Variants in KHDRBS2 observed in about 807,000 individuals in gnomAD.
KHDRBS2 encodes the protein KH domain-containing, RNA-binding, signal transduction-associated protein 2.
KHDRBS2 carries 26 observed loss-of-function variants against 44.3 expected under a neutral mutation model. The ratio of observed to expected loss-of-function variants is 0.59; its 90% confidence interval spans 0.43 to 0.81. The LOEUF is 0.81. KHDRBS2 is among the 40% of genes least tolerant of loss of function. The probability of loss-of-function intolerance (pLI) is 0.00; values close to 1 mark genes in which losing one functional copy is unlikely to be tolerated. For synonymous variants in KHDRBS2, 194 were observed against 151.1 expected (o/e 1.28, Z -2.08); for missense variants, 476 against 433.1 (o/e 1.10, Z -0.88).
intron 6 of KHDRBS2, among the ~76,000 whole-genome samples, chr6:61,836,445 C>T (rs1792685872): frequency 6.6e-6 from 1 of 151,966 alleles, no homozygotes; most frequent in Non-Finnish European, 1.5e-5. Flanking sequence ...AGGCAGGCTG[C>T]CTGTTTTTAA....
intron 6 of KHDRBS2, among the ~76,000 whole-genome samples, chr6:61,782,521 A>C (rs1473560966): frequency 1.3e-5 from 2 of 151,778 alleles, no homozygotes; most frequent in Non-Finnish European, 2.9e-5. Flanking sequence ...ATCACAGATG[A>C]ATTAAAGTAC....
At chr6:61,787,802 T>C (rs779737802) in intron 6 of KHDRBS2, among the ~76,000 whole-genome samples, 10 of 151,726 alleles carry the variant, frequency 6.6e-5, no homozygotes, top group Non-Finnish European at 1.0e-4. Flanking sequence ...AATGTTACTT[T>C]TATAGATGAG....
the KHDRBS2 span, among the ~76,000 whole-genome samples, chr6:61,627,715 G>A: frequency 6.6e-6 from 1 of 152,224 alleles, no homozygotes; most frequent in African/African-American, 2.4e-5. Flanking sequence ...TGGGGACATG[G>A]ATGATTCATG....
chr6:61,712,882 T>G (rs991625285), intron 7 of KHDRBS2, among the ~76,000 whole-genome samples: 1 of 151,760 alleles, frequency 6.6e-6, no homozygotes, highest in Non-Finnish European at 1.5e-5. Flanking sequence ...CTGAATATTA[T>G]GTAACTCAAG....
At chr6:61,659,479 C>A in the KHDRBS2 span, among the ~76,000 whole-genome samples, 1 of 151,784 alleles carries the variant, frequency 6.6e-6, no homozygotes, top group Non-Finnish European at 1.5e-5. Flanking sequence ...AATGTTCTGC[C>A]TTGCACTGCT....
At chr6:61,868,100 C>T (rs1306097552) in intron 6 of KHDRBS2, among the ~76,000 whole-genome samples, 1 of 151,614 alleles carries the variant, frequency 6.6e-6, no homozygotes, top group African/African-American at 2.4e-5. Context: ...GACCCCCAAG[C>T]ACTCTAGGGA....
chr6:62,107,971 G>C (rs1475051328), intron 2 of KHDRBS2, among the ~76,000 whole-genome samples: 2 of 152,036 alleles, frequency 1.3e-5, no homozygotes, highest in East Asian at 3.9e-4. Context: ...TTAAACGTTA[G>C]ACCTAAAACC....
intron 6 of KHDRBS2, among the ~76,000 whole-genome samples, chr6:61,745,815 CGTT>C (rs1776778226): frequency 6.6e-6 from 1 of 151,852 alleles, no homozygotes; most frequent in Non-Finnish European, 1.5e-5. Flanking sequence ...AGTGCCTTGA[CGTT>C]GCTGCTGTGT....
At chr6:61,751,328 T>G (rs932700077) in intron 6 of KHDRBS2, among the ~76,000 whole-genome samples, 1 of 152,204 alleles carries the variant, frequency 6.6e-6, no homozygotes, top group African/African-American at 2.4e-5. Context: ...TCATCTGAGT[T>G]CCAGGGGCTA....
At chr6:61,825,192 C>T (rs1790639568) in intron 6 of KHDRBS2, among the ~76,000 whole-genome samples, 2 of 152,118 alleles carry the variant, frequency 1.3e-5, no homozygotes, top group South Asian at 4.1e-4. Flanking sequence ...AACAGTATTT[C>T]TATAAAATGT....
At chr6:61,896,697 G>T (rs370037049) in intron 5 of KHDRBS2, among the ~76,000 whole-genome samples, 16 of 151,936 alleles carry the variant, frequency 1.1e-4, no homozygotes, top group African/African-American at 3.4e-4. Context: ...CTTGCTGAAA[G>T]AATATTTTCT....
intron 6 of KHDRBS2, among the ~76,000 whole-genome samples, chr6:61,765,945 T>TG (rs113826963): frequency 0.38 from 57,867 of 151,870 alleles, 12,086 homozygotes; most frequent in African/African-American, 0.57. Flanking sequence ...AGTTTTCTTT[T>TG]TTTAGATATT....
chr6:61,994,657 G>A (rs890858061), intron 3 of KHDRBS2, among the ~76,000 whole-genome samples: 1 of 152,126 alleles, frequency 6.6e-6, no homozygotes, highest in African/African-American at 2.4e-5. Context: ...TCTGGTATGA[G>A]ATAAAGGTCA....
At chr6:61,583,569 T>G in the KHDRBS2 span, among the ~76,000 whole-genome samples, 2 of 151,802 alleles carry the variant, frequency 1.3e-5, no homozygotes, top group Non-Finnish European at 3.0e-5. Context: ...TTTGTTCCAT[T>G]GGCCTATTTG....
intron 7 of KHDRBS2, among the ~76,000 whole-genome samples, chr6:61,727,265 T>C (rs894707222): frequency 6.6e-6 from 1 of 152,128 alleles, no homozygotes; most frequent in African/African-American, 2.4e-5. Flanking sequence ...CCTTACACCA[T>C]ATACAAAAAT....
chr6:62,105,848 G>A (rs547385708), intron 2 of KHDRBS2, among the ~76,000 whole-genome samples: 19 of 151,848 alleles, frequency 1.3e-4, no homozygotes, highest in African/African-American at 2.4e-4. Flanking sequence ...CTTGCTTTTC[G>A]AGTTCTTTTA....
chr6:61,811,732 C>A (rs73476633), intron 6 of KHDRBS2, among the ~76,000 whole-genome samples: 8,930 of 151,872 alleles, frequency 0.059, 898 homozygotes, highest in African/African-American at 0.2. Context: ...TTTTTTTATT[C>A]CCAAGATTAA....
At chr6:61,936,773 G>C (rs1583599051) in intron 4 of KHDRBS2, among the ~76,000 whole-genome samples, 1 of 151,924 alleles carries the variant, frequency 6.6e-6, no homozygotes, top group Admixed American at 6.6e-5. Flanking sequence ...TTTGGAAATA[G>C]TATTCCTCTA....
At position 61,971,964 on chromosome 6, in the gene KHDRBS2, A is replaced by T. The variant is rs554662473; in HGVS notation, c.483+6102T>A. On this transcript the variant is annotated intron_variant, in intron 4 of 8. Coordinates refer to ENST00000281156, the MANE Select transcript of KHDRBS2 (RefSeq NM_152688.4). The stretch of plus-strand genomic sequence containing the variant: ...ACATTGCTAGAATTGTGCCTGGCAT[A>T]TATTTGGTGTCCAGAAATATTTGTT... Among the ~76,000 whole-genome samples, 348 of 152,280 alleles carry T rather than the reference A, an allele frequency of 2.3e-3. 8 individuals are homozygous for T. In the South Asian group the frequency reaches 0.038, roughly 17 times the overall value.
Sources: gnomAD v4.1 joint callset for allele counts (sites outside exome capture counted in the v4.1 genomes callset) on GRCh38, gnomAD v4.1.1 for gene constraint, MANE v1.5 for transcripts, NCBI Gene and HGNC (gene_info 2026-07-23, HGNC 2026-07-21) for gene names.